TRANK1: variants seen among roughly 807,000 people sequenced by gnomAD.
The protein encoded by TRANK1 is tetratricopeptide repeat and ankyrin repeat containing 1, also known as TPR and ankyrin repeat-containing protein 1.
TRANK1 carries 198 observed loss-of-function variants against 266.0 expected under a neutral mutation model. The ratio of observed to expected loss-of-function variants is 0.74; its 90% CI spans 0.66 to 0.84. The LOEUF is 0.84. Ranked by LOEUF, TRANK1 falls within the 40% of genes least tolerant of loss-of-function variation. The pLI, the probability that TRANK1 is intolerant of heterozygous loss-of-function variation, is 0.00. For synonymous variants in TRANK1, 1,396 were observed against 1,384.1 expected (o/e 1.01, Z -0.19); for missense variants, 3,326 against 3,634.6 (o/e 0.92, Z 2.18).
chr3:36,901,256 A>T (rs1177062610), intron 3 of TRANK1, among the ~76,000 whole-genome samples: 1 of 152,200 alleles, frequency 6.6e-6, no homozygotes, highest in African/African-American at 2.4e-5. Context: ...CTGATTAAAA[A>T]GCAGAAACTC....
chr3:36,934,267 G>A (rs1322558772), intron 1 of TRANK1, among the ~76,000 whole-genome samples: 1 of 152,178 alleles, frequency 6.6e-6, no homozygotes, highest in Non-Finnish European at 1.5e-5. Flanking sequence ...TTCCTACCCT[G>A]AGAAGAAGCC....
At chr3:36,880,508 G>C (rs1308895486) in intron 8 of TRANK1, 2 of 177,764 alleles carry the variant, frequency 1.1e-5, no homozygotes, top group Non-Finnish European at 2.4e-5. Flanking sequence ...ATTAACTCTG[G>C]AGAATCTAAA....
chr3:36,918,354 G>C (rs2080154953), intron 1 of TRANK1, among the ~76,000 whole-genome samples: 1 of 151,602 alleles, frequency 6.6e-6, no homozygotes, highest in South Asian at 2.1e-4. Flanking sequence ...GCTTAACACT[G>C]CCGAACTATA....
chr3:36,835,918 A>G (rs2078765204), intron 20 of TRANK1, among the ~76,000 whole-genome samples: 1 of 152,244 alleles, frequency 6.6e-6, no homozygotes, highest in Admixed American at 6.5e-5. Context: ...CAACCACAAG[A>G]AAAAGACTTT....
intron 8 of TRANK1, among the ~76,000 whole-genome samples, chr3:36,882,360 GAT>G (rs1433315912): frequency 1.3e-5 from 2 of 152,130 alleles, no homozygotes; most frequent in African/African-American, 4.8e-5. Context: ...TAGGCAAAGA[GAT>G]AAACAGAATA....
At chr3:36,939,258 C>CAT (rs745889922) in intron 1 of TRANK1, among the ~76,000 whole-genome samples, 1 of 137,844 alleles carries the variant, frequency 7.3e-6, no homozygotes, top group African/African-American at 2.7e-5. Context: ...CCCATTCTAA[C>CAT]ATACACACAC....
Position 36,857,201 on chromosome 3 carries a change from C to A in TRANK1, c.2521G>T (p.Glu841Ter). ...TTACTAGACAGCTTCTTCAGCATTTCTGAAGTGCACTCGATCTCCCAGGTC... is the reference window on the plus strand; with the variant it reads ...TTACTAGACAGCTTCTTCAGCATTTATGAAGTGCACTCGATCTCCCAGGTC... ...NMTWEIECTS[E>*]MLKKLSSKVM... Residue 841 changes from glutamate to a stop codon, truncating the protein, a stop_gained, in exon 13 of 24, where the codon GAA (glutamate) becomes TAA (stop). Coordinates refer to ENST00000645898, the MANE Select transcript of TRANK1 (RefSeq NM_001329998.2). LOFTEE classifies it high-confidence loss of function. The surrounding 1 kb of genome is among the most constrained non-coding windows in gnomAD (Gnocchi z 4.3). 1 of 1,613,954 alleles carries A rather than the reference C, an allele frequency of 6.2e-7. No homozygotes were observed. Among genetic ancestry groups the A allele is most frequent in the Non-Finnish European group, 8.5e-7 (1 of 1,179,892 alleles).
intron 20 of TRANK1, among the ~76,000 whole-genome samples, chr3:36,837,354 A>T (rs538289578): frequency 6.6e-6 from 1 of 152,264 alleles, no homozygotes; most frequent in Admixed American, 6.5e-5. Context: ...GGAGGGCCTT[A>T]TCCTCTTCTT....
At chr3:36,935,619 T>C (rs991339364) in intron 1 of TRANK1, among the ~76,000 whole-genome samples, 1 of 151,988 alleles carries the variant, frequency 6.6e-6, no homozygotes, top group Non-Finnish European at 1.5e-5. Flanking sequence ...CTCAGCTATT[T>C]TTGTATTTTT....
At chr3:36,895,803 T>C in intron 4 of TRANK1, 45 bp from the exon 5 acceptor site, 1 of 1,327,884 alleles carries the variant, frequency 7.5e-7, no homozygotes. Flanking sequence ...GTGGGGAAAG[T>C]CTACAGCATT....
chr3:36,860,810 G>A (rs2125551980), intron 11 of TRANK1, 96 bp downstream of exon 11: 3 of 1,473,436 alleles, frequency 2.0e-6, no homozygotes, highest in Non-Finnish European at 2.7e-6. Context: ...ACTTCATGGT[G>A]CCTCCAAAAG....
chr3:36,885,241 T>C (rs541236597), intron 8 of TRANK1, among the ~76,000 whole-genome samples: 86 of 152,320 alleles, frequency 5.6e-4, no homozygotes, highest in African/African-American at 1.6e-3. Flanking sequence ...ATTGACATCA[T>C]GAACCCCTTG....
chr3:36,943,867 T>G (rs1415220631), intron 1 of TRANK1, among the ~76,000 whole-genome samples: 1 of 152,126 alleles, frequency 6.6e-6, no homozygotes, highest in Non-Finnish European at 1.5e-5. Context: ...CCCCATTCTC[T>G]TTCTGCTTCT....
At position 36,847,420 on chromosome 3, in the gene TRANK1, T is replaced by C. The variant is rs951713229; in HGVS notation, c.4888-74A>G. The C allele has an allele frequency of 8.4e-6, 13 of 1,540,166 alleles. No homozygotes were observed. The African/African-American group carries it at 1.4e-4, about 16-fold the overall frequency. On this transcript the variant is annotated intron_variant, in intron 15 of 23. Coordinates refer to ENST00000645898, the MANE Select transcript of TRANK1 (RefSeq NM_001329998.2). ...ACGCATACAGCCTCCCTGAGCTTCA[T>C]GGAAAACTAAGCCTCATCGGGGGAC...
rs1459705012 is a variant in TRANK1 at position 36,919,384 on chromosome 3, T to C, written c.24-10930A>G. ...TTTCACCTGTTCTTGAACCCCATAA[T>C]AACATAGTGGGTTCCCTCTTTCCTT... is the stretch of plus-strand genomic sequence containing the variant. On this transcript the variant is annotated intron_variant, in intron 1 of 23. Transcript: ENST00000645898. Among the ~76,000 whole-genome samples, 4 of 152,242 alleles carry C rather than the reference T, an allele frequency of 2.6e-5. No individual in the cohort carries two copies. The East Asian group carries it at 7.7e-4, about 29-fold the overall frequency.
chr3:36,828,198 T>C lies in TRANK1; in HGVS notation c.*77A>G. On this transcript the variant is annotated 3_prime_UTR_variant, in exon 24 of 24. Coordinates refer to ENST00000645898, the MANE Select transcript of TRANK1 (RefSeq NM_001329998.2). ...AAAATGCTAATTCACATTCTTTTTGTCTTCTGCCCCAGCGCTCAGAATTCT... is the reference window on the plus strand; with the variant it reads ...AAAATGCTAATTCACATTCTTTTTGCCTTCTGCCCCAGCGCTCAGAATTCT... The C allele has an allele frequency of 9.5e-7, 1 of 1,056,020 alleles. No individual in the cohort carries two copies. The highest frequency in any genetic ancestry group is 1.4e-6 in the Non-Finnish European group (1 of 702,496). 65.4% of individuals were successfully genotyped at this position (1,056,020 alleles called of 1,614,324 possible).
intron 1 of TRANK1, among the ~76,000 whole-genome samples, chr3:36,923,883 G>A (rs561283793): frequency 3.0e-4 from 45 of 152,256 alleles, no homozygotes; most frequent in African/African-American, 9.4e-4. Flanking sequence ...AACCATCCTG[G>A]TGCTCTCCAG....
intron 8 of TRANK1, among the ~76,000 whole-genome samples, chr3:36,883,437 T>C (rs1428806718): frequency 8.1e-6 from 1 of 123,492 alleles, no homozygotes; most frequent in East Asian, 2.7e-4. Context: ...AGAGTAAGAC[T>C]CTGTCTCAAA....
intron 3 of TRANK1, among the ~76,000 whole-genome samples, chr3:36,902,187 C>A (rs2079893233): frequency 6.6e-6 from 1 of 152,210 alleles, no homozygotes; most frequent in African/African-American, 2.4e-5. Flanking sequence ...GGGCCACATT[C>A]AAAGCTGTCC....
Sources: gnomAD v4.1 joint callset for allele counts (sites outside exome capture counted in the v4.1 genomes callset) on GRCh38, gnomAD v4.1.1 for gene constraint, Gnocchi (gnomAD v3.1) non-coding constraint, MANE v1.5 for transcripts, NCBI Gene and HGNC (gene_info 2026-07-23, HGNC 2026-07-21) for gene names.